ANKRD28: variants seen among roughly 807,000 people sequenced by gnomAD.
ANKRD28 encodes the protein ankyrin repeat domain 28.
ANKRD28 carries 44 observed loss-of-function variants against 126.5 expected under a neutral mutation model. The ratio of observed to expected loss-of-function variants is 0.35; its 90% CI spans 0.27 to 0.45. The LOEUF is 0.45. Among genes scored for constraint, ANKRD28 ranks in the 20% least tolerant of loss-of-function variants. ANKRD28 has a pLI of 1.00. For missense variants in ANKRD28, 1,110 were observed against 1,316.6 expected (o/e 0.84, Z 2.43); for synonymous variants, 442 against 468.5 (o/e 0.94, Z 0.73).
At chr3:15,734,118 C>A (rs1194757462) in intron 6 of ANKRD28, among the ~76,000 whole-genome samples, 1 of 152,190 alleles carries the variant, frequency 6.6e-6, no homozygotes, top group Non-Finnish European at 1.5e-5. Context: ...AACGCTCATA[C>A]ACGGAGAGCC....
At chr3:15,841,114 A>G (rs2061417255) in intron 1 of ANKRD28, among the ~76,000 whole-genome samples, 3 of 152,146 alleles carry the variant, frequency 2.0e-5, no homozygotes, top group Non-Finnish European at 4.4e-5. Context: ...ACTCCAGCCT[A>G]GGCAACAGAG....
At chr3:15,739,105 CG>C in intron 4 of ANKRD28, among the ~76,000 whole-genome samples, 1 of 152,132 alleles carries the variant, frequency 6.6e-6, no homozygotes, top group South Asian at 2.1e-4. Flanking sequence ...TTAAGGTGCC[CG>C]GATTTCATAT....
chr3:15,740,740 A>C (rs1048365712), intron 4 of ANKRD28, among the ~76,000 whole-genome samples: 1 of 152,234 alleles, frequency 6.6e-6, no homozygotes, highest in African/African-American at 2.4e-5. Context: ...AATCAATTCT[A>C]CTTTTTTGTT....
rs145764884 is a variant in ANKRD28, at chr3:15,811,020, G to T, written c.28-15714C>A. On this transcript the variant is annotated intron_variant, in intron 1 of 27. Transcript: ENST00000399451. ...TTCATAACTCAAAAGCTATAAAATA[G>T]CAAATGAAGAGCAGACTACAGAACA... 5.9e-5 allele frequency among the ~76,000 whole-genome samples: 9 copies of T among 152,246 alleles called. No individual in the cohort carries two copies. In the East Asian group the frequency reaches 1.7e-3, roughly 29 times the overall value.
At chr3:15,836,871 T>C (rs113458211) in intron 1 of ANKRD28, among the ~76,000 whole-genome samples, 2 of 49,164 alleles carry the variant, frequency 4.1e-5, no homozygotes, top group African/African-American at 7.0e-5. Flanking sequence ...GATCACAAGG[T>C]CAGGAGATCA....
At chr3:15,672,806 G>A (rs915826064) in intron 27 of ANKRD28, among the ~76,000 whole-genome samples, 2 of 151,866 alleles carry the variant, frequency 1.3e-5, no homozygotes, top group African/African-American at 2.4e-5. Context: ...GACGAAGTCT[G>A]GCTCTGTCAC....
At chr3:15,739,020 G>A (rs149265909) in intron 4 of ANKRD28, among the ~76,000 whole-genome samples, 133 of 152,204 alleles carry the variant, frequency 8.7e-4, no homozygotes, top group African/African-American at 3.0e-3. Flanking sequence ...GCTCTGTTCC[G>A]CCCGGCTCTC....
In ANKRD28 at chr3:15,671,532, G is replaced by A. The variant is rs116042197; in HGVS notation, c.2966-976C>T. 6.2e-3 allele frequency among the ~76,000 whole-genome samples: 942 copies of A among 151,786 alleles called. 12 individuals are homozygous for A. Among genetic ancestry groups the A allele is most frequent in the African/African-American group, 0.021 (869 of 41,326 alleles). ...AATGGTAACTACTATCCTGACTTAT[G>A]GGGTAGTAATTTCCTTGCTTTCAAC... On this transcript the variant is annotated intron_variant, in intron 27 of 27. Transcript: ENST00000683139.
chr3:15,756,471 T>C (rs995422111), intron 3 of ANKRD28: 4 of 984,328 alleles, frequency 4.1e-6, no homozygotes, highest in Admixed American at 6.1e-5. Flanking sequence ...AAAAACTTGA[T>C]TTACTTACTT....
intron 11 of ANKRD28, among the ~76,000 whole-genome samples, chr3:15,711,552 C>T (rs2072277036): frequency 6.6e-6 from 1 of 152,028 alleles, no homozygotes; most frequent in Non-Finnish European, 1.5e-5. Context: ...TGGGTGAGTC[C>T]ATTTATAGGA....
rs575533955 is a variant in ANKRD28 at position 15,830,485 on chromosome 3, C to T, written c.27+28892G>A. Among the ~76,000 whole-genome samples, 10 of 152,242 alleles carry T rather than the reference C, an allele frequency of 6.6e-5. No homozygotes were observed. In the East Asian group the frequency reaches 1.9e-3, roughly 29 times the overall value. The stretch of plus-strand genomic sequence containing the variant: ...GCCAATCCTATTTTGAATTGCACAT[C>T]TGAGGGATCTAGGTTATGTGCTTTT... On this transcript the variant is annotated intron_variant, in intron 1 of 27. Transcript: ENST00000399451. The surrounding 1 kb of genome is among the most constrained non-coding windows in gnomAD (Gnocchi z 4.5).
chr3:15,725,344 A>G (rs756487140), intron 6 of ANKRD28, among the ~76,000 whole-genome samples: 6 of 152,184 alleles, frequency 3.9e-5, no homozygotes, highest in Non-Finnish European at 8.8e-5. Context: ...AATTCCTTTG[A>G]TTATGTTATT....
chr3:15,837,663 T>TTA (rs1447550529), intron 1 of ANKRD28, among the ~76,000 whole-genome samples: 2 of 151,960 alleles, frequency 1.3e-5, no homozygotes, highest in Non-Finnish European at 2.9e-5. Flanking sequence ...AGAGGGAAAA[T>TTA]TATAGCTGGG....
At chr3:15,676,552 T>C (rs1237486935) in intron 26 of ANKRD28, 1 of 165,664 alleles carries the variant, frequency 6.0e-6, no homozygotes, top group African/African-American at 2.4e-5. Flanking sequence ...TGTCAGTCTA[T>C]CTGGAGGTTG....
chr3:15,737,526 GC>G (rs1381046108), intron 4 of ANKRD28, among the ~76,000 whole-genome samples: 1 of 12,406 alleles, frequency 8.1e-5, no homozygotes, highest in South Asian at 2.5e-3. Flanking sequence ...GTGCAAGAGA[GC>G]AATCATAGCT....
At chr3:15,773,772 T>C (rs563736422) in intron 2 of ANKRD28, among the ~76,000 whole-genome samples, 10 of 152,192 alleles carry the variant, frequency 6.6e-5, no homozygotes, top group Non-Finnish European at 1.2e-4. Context: ...ATTTGATCTA[T>C]AGATTCAATG....
At chr3:15,696,332 ATT>A (rs2069548275) in intron 14 of ANKRD28, 87 bp from the exon 15 acceptor site, 1 of 805,812 alleles carries the variant, frequency 1.2e-6, no homozygotes, top group Non-Finnish European at 1.9e-6. Context: ...AAAACTGACA[ATT>A]TTTCTTATAC....
At chr3:15,677,683 C>A in intron 24 of ANKRD28, 121 bp from the exon 25 acceptor site, 3 of 585,770 alleles carry the variant, frequency 5.1e-6, no homozygotes, top group Non-Finnish European at 6.0e-6. Context: ...AACTTAAGTA[C>A]AAGAAAAATA....
chr3:15,670,451 G>A lies in ANKRD28; in HGVS notation c.3071C>T (p.Ser1024Phe), dbSNP rs1311564519. 2 of 1,613,940 alleles carry A rather than the reference G, an allele frequency of 1.2e-6. No individual in the cohort carries two copies. The highest frequency in any genetic ancestry group is 2.2e-5 in the East Asian group (1 of 44,876). Residue 1024 changes from serine (S) to phenylalanine (F), a missense_variant, in exon 28 of 28, where the codon TCC (serine) becomes TTC (phenylalanine). Physicochemically the swap from Ser to Phe is radical, Grantham distance 155. Transcript: ENST00000683139. ...MPVSSSSPLS[S>F]LTFNAINRYT... Reference sequence around the variant, plus strand: ...ACGGTTAATGGCATTGAATGTTAAGGATGATAAAGGACTACTTGATGAGAC... The same window carrying A: ...ACGGTTAATGGCATTGAATGTTAAGAATGATAAAGGACTACTTGATGAGAC...
Sources: gnomAD v4.1 joint callset for allele counts (sites outside exome capture counted in the v4.1 genomes callset) on GRCh38, gnomAD v4.1.1 for gene constraint, Gnocchi (gnomAD v3.1) non-coding constraint, MANE v1.5 for transcripts, NCBI Gene and HGNC (gene_info 2026-07-23, HGNC 2026-07-21) for gene names.